SLC4A4: variants seen among roughly 807,000 people sequenced by gnomAD.
SLC4A4 encodes the protein electrogenic sodium bicarbonate cotransporter 1.
In SLC4A4, 27 loss-of-function variants were observed where a neutral mutation model predicts 111.5. That is an observed-to-expected ratio of 0.24 (90% CI 0.18 to 0.33). SLC4A4 has a LOEUF of 0.33. Among genes scored for constraint, SLC4A4 ranks in the 10% least tolerant of loss-of-function variants. The pLI is 1.00. For missense variants in SLC4A4, 909 were observed against 1,315.5 expected (o/e 0.69, Z 4.78); for synonymous variants, 443 against 463.4 (o/e 0.96, Z 0.57).
In SLC4A4 at chr4:71,371,924, T is replaced by C. The variant is rs75674278; in HGVS notation, c.730+14737T>C. Among the ~76,000 whole-genome samples, 1,474 of 152,340 alleles carry C rather than the reference T, an allele frequency of 9.7e-3. 17 individuals carry two copies. Among genetic ancestry groups the C allele is most frequent in the Non-Finnish European group, 0.015 (1,013 of 68,026 alleles). ...ACAGCCCAGTTTTCACTAGGGCCCA[T>C]CTTGGTCACCAGAAACCGTTAACCA... On this transcript the variant is annotated intron_variant, in intron 6 of 25. Coordinates refer to ENST00000264485, the MANE Select transcript of SLC4A4 (RefSeq NM_001098484.3).
chr4:71,462,317 C>T (rs979385135), intron 12 of SLC4A4, among the ~76,000 whole-genome samples: 10 of 151,798 alleles, frequency 6.6e-5, no homozygotes, highest in African/African-American at 2.4e-4. Flanking sequence ...ACTGGTAGAA[C>T]TGAGATTTAA....
At chr4:71,262,326 C>T (rs572975320) in intron 3 of SLC4A4, among the ~76,000 whole-genome samples, 1 of 152,212 alleles carries the variant, frequency 6.6e-6, no homozygotes, top group Admixed American at 6.5e-5. Context: ...TGAGGGACCA[C>T]GGGCCTACTC....
intron 4 of SLC4A4, among the ~76,000 whole-genome samples, chr4:71,340,412 T>C (rs1728808246): frequency 6.6e-6 from 1 of 152,178 alleles, no homozygotes; most frequent in South Asian, 2.1e-4. Flanking sequence ...GTTGTATTTA[T>C]TCTATTTTAT....
chr4:71,181,826 G>C (rs1178130605), intron 2 of SLC4A4, among the ~76,000 whole-genome samples: 2 of 152,122 alleles, frequency 1.3e-5, no homozygotes, highest in Non-Finnish European at 2.9e-5. Context: ...GAAAGCAGCT[G>C]TCCCTTGCCC....
chr4:71,085,303 T>G (rs1174838641), intron 1 of SLC4A4, among the ~76,000 whole-genome samples: 1 of 152,074 alleles, frequency 6.6e-6, no homozygotes, highest in Non-Finnish European at 1.5e-5. Context: ...TTCTGGATAT[T>G]AGCCCTTTGT....
chr4:71,245,392 G>A (rs1013740389), intron 2 of SLC4A4, among the ~76,000 whole-genome samples: 3 of 152,080 alleles, frequency 2.0e-5, no homozygotes, highest in Non-Finnish European at 4.4e-5. Flanking sequence ...AGAAGTGTGG[G>A]GGCTGTTGCC....
chr4:71,527,104 G>A (rs561992842), intron 16 of SLC4A4, among the ~76,000 whole-genome samples: 9 of 152,168 alleles, frequency 5.9e-5, no homozygotes, highest in East Asian at 1.9e-4. Flanking sequence ...GAATTAGGAC[G>A]TGGGCATCTT....
chr4:71,185,110 C>G (rs564376782), upstream of SLC4A4, among the ~76,000 whole-genome samples: 1 of 152,140 alleles, frequency 6.6e-6, no homozygotes, highest in Non-Finnish European at 1.5e-5. Context: ...ATTTAACTTA[C>G]GTGAAGGAAA....
At chr4:71,298,369 A>G (rs1724971885) in intron 3 of SLC4A4, among the ~76,000 whole-genome samples, 1 of 152,236 alleles carries the variant, frequency 6.6e-6, no homozygotes, top group Non-Finnish European at 1.5e-5. Flanking sequence ...GAGGAGGCAC[A>G]GAACAGAGAT....
chr4:71,480,839 C>T (rs894644072), intron 14 of SLC4A4, among the ~76,000 whole-genome samples: 2 of 151,692 alleles, frequency 1.3e-5, no homozygotes, highest in Non-Finnish European at 3.0e-5. Flanking sequence ...ATTTATTAAG[C>T]ACCATCCAAA....
intron 1 of SLC4A4, among the ~76,000 whole-genome samples, chr4:71,218,262 ACAACATG>A (rs1718547780): frequency 2.0e-5 from 3 of 152,196 alleles, no homozygotes; most frequent in Non-Finnish European, 4.4e-5. Flanking sequence ...GTTACCTTAG[ACAACATG>A]CGTATGTAAT....
At chr4:71,330,564 A>G (rs1040506625) in intron 3 of SLC4A4, among the ~76,000 whole-genome samples, 1 of 152,188 alleles carries the variant, frequency 6.6e-6, no homozygotes. Flanking sequence ...CCTTCCTTAC[A>G]CCTTATACAA....
At chr4:71,173,722 C>T (rs541364550) in intron 2 of SLC4A4, among the ~76,000 whole-genome samples, 101 of 152,070 alleles carry the variant, frequency 6.6e-4, no homozygotes, top group Non-Finnish European at 1.2e-3. Context: ...TTAAGTTGAC[C>T]GAGAAAGACC....
chr4:71,255,198 G>A lies in SLC4A4; in HGVS notation c.74-22G>A, dbSNP rs769343799. The A allele has an allele frequency of 6.2e-6, 10 of 1,611,260 alleles. No individual in the cohort carries two copies. In the Admixed American group the frequency reaches 6.7e-5, roughly 11 times the overall value. The stretch of plus-strand genomic sequence containing the variant: ...TAGAGAATGTGGTTTGAACTGACTG[G>A]TGATTTGTGTACCTTCCTTAGGCCA... On this transcript the variant is annotated intron_variant, in intron 2 of 25. Coordinates refer to ENST00000264485, the MANE Select transcript of SLC4A4 (RefSeq NM_001098484.3).
intron 18 of SLC4A4, 96 bp from the exon 19 acceptor site, chr4:71,546,254 C>T: frequency 9.4e-7 from 1 of 1,068,220 alleles, no homozygotes. Flanking sequence ...CAAAGCAAGT[C>T]AGTTTCCTTT....
chr4:71,178,412 C>T (rs1314532986), intron 2 of SLC4A4, among the ~76,000 whole-genome samples: 1 of 151,906 alleles, frequency 6.6e-6, no homozygotes, highest in African/African-American at 2.4e-5. Flanking sequence ...TCAATGAATC[C>T]AGGAGCTGGT....
chr4:71,116,921 C>T (rs1385326966), intron 2 of SLC4A4, among the ~76,000 whole-genome samples: 1 of 145,354 alleles, frequency 6.9e-6, no homozygotes, highest in Non-Finnish European at 1.5e-5. Flanking sequence ...CCAGCCTGGG[C>T]AACAAGAGCG....
chr4:71,164,514 T>G (rs929486484), intron 2 of SLC4A4, among the ~76,000 whole-genome samples: 3 of 150,240 alleles, frequency 2.0e-5, no homozygotes, highest in African/African-American at 7.4e-5. Context: ...ACCCTAAGTG[T>G]GTTAGTTTAC....
chr4:71,569,753 C>A lies in SLC4A4; in HGVS notation c.*2002C>A, dbSNP rs886059609. The A allele has an allele frequency of 6.6e-6, 1 of 151,608 alleles. No homozygotes were observed. The highest frequency in any genetic ancestry group is 2.4e-5 in the African/African-American group (1 of 41,350). 9.4% of individuals were successfully genotyped at this position (151,608 alleles called of 1,614,324 possible). On this transcript the variant is annotated 3_prime_UTR_variant, in exon 26 of 26. Coordinates refer to ENST00000264485, the MANE Select transcript of SLC4A4 (RefSeq NM_001098484.3). ...GTTAATTAAGTTATTATTCTGTCTC[C>A]TTGTAATTTTGATTACAAAAATTTT...
Sources: allele counts gnomAD v4.1 joint callset (sites outside exome capture counted in the v4.1 genomes callset), GRCh38; gene constraint gnomAD v4.1.1; transcripts MANE v1.5; gene names NCBI Gene and HGNC (gene_info 2026-07-23, HGNC 2026-07-21).